PRKAR1A: variants seen among roughly 807,000 people sequenced by gnomAD.
PRKAR1A encodes the protein cAMP-dependent protein kinase type I-alpha regulatory subunit.
A neutral mutation model predicts 52.0 loss-of-function variants in PRKAR1A; 3 were observed. The observed-to-expected ratio is 0.06, with a 90% CI of 0.03 to 0.15. The LOEUF (loss-of-function observed/expected upper bound fraction) is 0.15. Among genes scored for constraint, PRKAR1A ranks in the 10% least tolerant of loss-of-function variants. The pLI, the probability that PRKAR1A is intolerant of heterozygous loss-of-function variation, is 1.00. For synonymous variants in PRKAR1A, 188 were observed against 168.4 expected (o/e 1.12, Z -0.90); for missense variants, 240 against 477.4 (o/e 0.50, Z 4.63).
At chr17:68,500,814 G>A in the PRKAR1A span, among the ~76,000 whole-genome samples, 1 of 152,100 alleles carries the variant, frequency 6.6e-6, no homozygotes, top group Non-Finnish European at 1.5e-5. Context: ...ACGGCGCCCG[G>A]CCTCAGGTAT....
chr17:68,445,147 C>T, the PRKAR1A span, among the ~76,000 whole-genome samples: 55 of 152,120 alleles, frequency 3.6e-4, no homozygotes, highest in African/African-American at 1.1e-3. Context: ...CTCGAACTCC[C>T]GACCTCAGGT....
At chr17:68,547,252 T>G (rs1361929540) in intron 11 of PRKAR1A, among the ~76,000 whole-genome samples, 1 of 152,210 alleles carries the variant, frequency 6.6e-6, no homozygotes, top group African/African-American at 2.4e-5. Flanking sequence ...AGCCTGTCCT[T>G]TGAATCTTTA....
chr17:68,512,947 C>T (rs1261852845), intron 1 of PRKAR1A: 4 of 152,382 alleles, frequency 2.6e-5, no homozygotes, highest in Non-Finnish European at 5.9e-5. Flanking sequence ...GCCATCGTCT[C>T]GTCCGCCGGT....
rs1054687630 is a variant in PRKAR1A at position 68,531,186 on chromosome 17, T to G, written c.*737T>G. 4.4e-5 allele frequency: 47 copies of G among 1,065,896 alleles called. No individual in the cohort carries two copies. In the African/African-American group the frequency reaches 6.5e-4, roughly 15 times the overall value. 66.0% of individuals were successfully genotyped at this position (1,065,896 alleles called of 1,614,324 possible). A position where few individuals can be genotyped will look rare whatever the true frequency, so the allele number is the denominator to read the frequency against. On this transcript the variant is annotated 3_prime_UTR_variant, in exon 11 of 11. Coordinates refer to ENST00000589228, the MANE Select transcript of PRKAR1A (RefSeq NM_002734.5). ...TAACTCATAGATTGCAAATATTGGT[T>G]AGTATTTAACTACATCTGCCTCGGC...
At chr17:68,427,517 T>C in the PRKAR1A span, 1 of 264,076 alleles carries the variant, frequency 3.8e-6, no homozygotes, top group East Asian at 1.0e-4. Flanking sequence ...CCACAGCGCC[T>C]GGCTAATTTT....
chr17:68,537,353 C>T, downstream of PRKAR1A: 2 of 1,253,754 alleles, frequency 1.6e-6, no homozygotes, highest in East Asian at 4.7e-5. This position sits in a 1 kb window ranked among gnomAD's most constrained non-coding sequence, Gnocchi z 4.2. Flanking sequence ...GAGAAAATGT[C>T]CTGCTTCCTT....
chr17:68,464,687 CA>C, the PRKAR1A span, among the ~76,000 whole-genome samples: 66,905 of 124,516 alleles, frequency 0.54, 15,695 homozygotes, highest in African/African-American at 0.58. Flanking sequence ...GACTCTGTCT[CA>C]AAAAAAAAAA....
intron 8 of PRKAR1A, chr17:68,528,578 C>G: frequency 2.6e-6 from 1 of 384,666 alleles, no homozygotes; most frequent in Non-Finnish European, 4.7e-6. Flanking sequence ...TGATGGCAAT[C>G]TTCAGGAATA....
chr17:68,478,223 G>A, the PRKAR1A span, among the ~76,000 whole-genome samples: 1 of 152,150 alleles, frequency 6.6e-6, no homozygotes, highest in Non-Finnish European at 1.5e-5. Context: ...GGGGGCCGAG[G>A]GGGGTGGATC....
At chr17:68,539,845 C>T in intron 11 of PRKAR1A, 1 of 1,597,120 alleles carries the variant, frequency 6.3e-7, no homozygotes, top group Non-Finnish European at 8.6e-7. Context: ...AGCAGCACAT[C>T]TGGGAGAGGG....
At chr17:68,462,065 CAG>C in the PRKAR1A span, among the ~76,000 whole-genome samples, 1 of 152,154 alleles carries the variant, frequency 6.6e-6, no homozygotes. Context: ...AGGGGAGAGA[CAG>C]GGAGCAAAAA....
chr17:68,434,373 G>C, the PRKAR1A span, among the ~76,000 whole-genome samples: 1 of 152,024 alleles, frequency 6.6e-6, no homozygotes, highest in South Asian at 2.1e-4. Context: ...ACAGCATCTC[G>C]GCTTTCAGTT....
chr17:68,437,005 A>AAGTATATAT, the PRKAR1A span, among the ~76,000 whole-genome samples: 1 of 107,192 alleles, frequency 9.3e-6, no homozygotes, highest in Non-Finnish European at 2.1e-5. Context: ...AAAAAAAAAA[A>AAGTATATAT]ATATATATAT....
chr17:68,489,235 GTA>G, the PRKAR1A span, among the ~76,000 whole-genome samples: 69 of 10,072 alleles, frequency 6.9e-3, 3 homozygotes, highest in Admixed American at 9.7e-3. Context: ...TATATGGAAA[GTA>G]TATATATATA....
At chr17:68,493,067 G>C in the PRKAR1A span, among the ~76,000 whole-genome samples, 4 of 151,628 alleles carry the variant, frequency 2.6e-5, no homozygotes, top group Non-Finnish European at 5.9e-5. Context: ...TCTGCCTCTA[G>C]GTCTTTGAGG....
At chr17:68,535,115 C>T, downstream of PRKAR1A, 1 of 365,136 alleles carries the variant, frequency 2.7e-6, no homozygotes, top group South Asian at 2.1e-5. Flanking sequence ...TTGAAAAGTT[C>T]TCAGAGTCAA....
chr17:68,437,394 A>C, the PRKAR1A span, among the ~76,000 whole-genome samples: 1 of 151,950 alleles, frequency 6.6e-6, no homozygotes. Flanking sequence ...GTCTCTATTA[A>C]AAATACAAAA....
intron 11 of PRKAR1A, chr17:68,540,003 G>T (rs751367690): frequency 1.3e-6 from 2 of 1,587,534 alleles, no homozygotes; most frequent in Non-Finnish European, 1.7e-6. Context: ...GAACCAGCAG[G>T]CCAGGGGGAC....
In PRKAR1A at chr17:68,541,974, G is replaced by C. The variant is rs376046330; in HGVS notation, c.974-9110G>C. 5.8e-5 allele frequency: 93 copies of C among 1,611,508 alleles called. No individual in the cohort carries two copies. The African/African-American group carries it at 1.2e-3, about 20-fold the overall frequency. ...CAAGGACTGGGCTGTGTGGCCTGGG[G>C]ACCAACTCACTCCTCTTTTCCTGCC... On this transcript the variant is annotated intron_variant, in intron 11 of 11. Transcript: ENST00000585981.
Sources: allele counts gnomAD v4.1 joint callset (sites outside exome capture counted in the v4.1 genomes callset), GRCh38; gene constraint gnomAD v4.1.1; non-coding constraint Gnocchi (gnomAD v3.1); transcripts MANE v1.5; gene names NCBI Gene and HGNC (gene_info 2026-07-23, HGNC 2026-07-21).